CSNK2A1: variants seen among roughly 807,000 people sequenced by gnomAD.
The protein encoded by CSNK2A1 is casein kinase 2 alpha 1.
In CSNK2A1, 10 loss-of-function variants were observed where a neutral mutation model predicts 62.9. The observed-to-expected ratio is 0.16, with a 90% confidence interval of 0.10 to 0.27. The LOEUF is 0.27. CSNK2A1 is among the 10% of genes least tolerant of loss of function. The probability of loss-of-function intolerance (pLI) is 1.00; values close to 1 mark genes in which losing one functional copy is unlikely to be tolerated. For missense variants in CSNK2A1, 160 were observed against 492.0 expected (o/e 0.33, Z 6.38); for synonymous variants, 124 against 167.8 (o/e 0.74, Z 2.02).
At chr20:531,919 A>G (rs1191135650) in intron 1 of CSNK2A1, among the ~76,000 whole-genome samples, 1 of 152,244 alleles carries the variant, frequency 6.6e-6, no homozygotes, top group African/African-American at 2.4e-5. Flanking sequence ...CTGCTTAGAA[A>G]ATAAGAACTT....
chr20:543,197 C>G (rs935128086), intron 1 of CSNK2A1: 3 of 152,346 alleles, frequency 2.0e-5, no homozygotes, highest in African/African-American at 7.2e-5. Flanking sequence ...GTGGGAAGCT[C>G]AGCCCCGCCC....
chr20:537,905 A>C (rs1183824004), intron 1 of CSNK2A1, among the ~76,000 whole-genome samples: 1 of 152,074 alleles, frequency 6.6e-6, no homozygotes, highest in Non-Finnish European at 1.5e-5. Context: ...TGTACAAATC[A>C]TACTGTAATA....
chr20:485,206 GAC>G (rs1400335131), intron 13 of CSNK2A1, among the ~76,000 whole-genome samples: 1 of 137,202 alleles, frequency 7.3e-6, no homozygotes, highest in East Asian at 2.3e-4. Context: ...TTTCTTTTGA[GAC>G]AGAGTCTCAC....
intron 8 of CSNK2A1, 107 bp downstream of exon 8, chr20:495,612 T>C: frequency 1.2e-6 from 1 of 848,306 alleles, no homozygotes; most frequent in Non-Finnish European, 1.9e-6. Context: ...ATTTCTCAAC[T>C]GCCGAATAGG....
chr20:497,788 A>G lies in CSNK2A1; in HGVS notation c.367-8T>C. ...TAACGTCTGGTACAATTGCTGTTAA[A>G]GACAAATGTTTGAGCCATGAAATAA... is the stretch of plus-strand genomic sequence containing the variant. On this transcript the variant is annotated splice_polypyrimidine_tract_variant and splice_region_variant and intron_variant, in intron 6 of 13. Coordinates refer to ENST00000217244, the MANE Select transcript of CSNK2A1 (RefSeq NM_177559.3). 6.2e-7 allele frequency: 1 copy of G among 1,611,636 alleles called. No homozygotes were observed. Among genetic ancestry groups the G allele is most frequent in the African/African-American group, 1.3e-5 (1 of 75,014 alleles).
intron 2 of CSNK2A1, among the ~76,000 whole-genome samples, chr20:509,795 T>C (rs561050263): frequency 1.4e-4 from 21 of 152,328 alleles, no homozygotes; most frequent in African/African-American, 4.8e-4. Context: ...CAGGCTGGTC[T>C]TGAACTCCCA....
At position 499,700 on chromosome 20, in the gene CSNK2A1, A is replaced by G. The variant is rs563013399; in HGVS notation, c.315+133T>C. The G allele has an allele frequency of 1.9e-5, 15 of 793,154 alleles. No homozygotes were observed. In the East Asian group the frequency reaches 2.0e-4, roughly 10 times the overall value. 49.1% of individuals were successfully genotyped at this position (793,154 alleles called of 1,614,324 possible). Reference sequence around the variant, plus strand: ...GAAAGACCCAAGCTAGTTAAATGGTATATCTGATTAAGCACTTTCAAAGCA... The same window carrying G: ...GAAAGACCCAAGCTAGTTAAATGGTGTATCTGATTAAGCACTTTCAAAGCA... On this transcript the variant is annotated intron_variant, in intron 5 of 13. Coordinates refer to ENST00000217244, the MANE Select transcript of CSNK2A1 (RefSeq NM_177559.3). The surrounding 1 kb of genome is among the most constrained non-coding windows in gnomAD (Gnocchi z 4.2).
intron 1 of CSNK2A1, among the ~76,000 whole-genome samples, chr20:535,397 T>C (rs2019296475): frequency 6.6e-6 from 1 of 152,242 alleles, no homozygotes; most frequent in Non-Finnish European, 1.5e-5. Context: ...ATTTTCATTT[T>C]TTCACAAAAG....
rs903927890 is a variant in CSNK2A1, at chr20:508,700, C to T, written c.-109-40G>A. ...TGCACAAAGTCCAAGGAATCATTTA[C>T]AGAAGGTATATGGGAAGGAAATAAT... On this transcript the variant is annotated intron_variant, in intron 2 of 13. Transcript: ENST00000217244. 13 of 671,938 alleles carry T rather than the reference C, an allele frequency of 1.9e-5. No homozygotes were observed. The African/African-American group carries it at 2.2e-4, about 11-fold the overall frequency. 41.6% of individuals were successfully genotyped at this position (671,938 alleles called of 1,614,324 possible).
At chr20:525,836 TAA>T (rs397864425) in intron 2 of CSNK2A1, among the ~76,000 whole-genome samples, 1,116 of 71,020 alleles carry the variant, frequency 0.016, 18 homozygotes, top group African/African-American at 0.049. Context: ...TTAAAACTAT[TAA>T]AAAAAAAAAA....
rs934857961 is a variant in CSNK2A1, at chr20:479,744, A to G, written c.*4217T>C. On this transcript the variant is annotated 3_prime_UTR_variant, in exon 14 of 14. Transcript: ENST00000217244. ...CAGAACATCTTGTGACACCATCTAC[A>G]TATGTTTTACTTGGAGAATAGTCTG... 4 of 152,224 alleles carry G rather than the reference A, an allele frequency of 2.6e-5. No homozygotes were observed. The highest frequency in any genetic ancestry group is 9.6e-5 in the African/African-American group (4 of 41,454). 9.4% of individuals were successfully genotyped at this position (152,224 alleles called of 1,614,324 possible).
intron 10 of CSNK2A1, 25 bp from the exon 11 acceptor site, chr20:488,803 C>A: frequency 6.4e-7 from 1 of 1,573,556 alleles, no homozygotes; most frequent in Non-Finnish European, 8.7e-7. Context: ...AGACAAAAAC[C>A]CATATCACAA....
rs1202174727 is a variant in CSNK2A1 at position 479,168 on chromosome 20, A to G, written c.*4793T>C. 1 of 152,310 alleles carries G rather than the reference A, an allele frequency of 6.6e-6. No individual in the cohort carries two copies. Among genetic ancestry groups the G allele is most frequent in the African/African-American group, 2.4e-5 (1 of 41,412 alleles). The allele number at this position is 152,310 out of a possible 1,614,324, so 9.4% of individuals were successfully genotyped here. On this transcript the variant is annotated 3_prime_UTR_variant, in exon 14 of 14. Coordinates refer to ENST00000217244, the MANE Select transcript of CSNK2A1 (RefSeq NM_177559.3). Reference sequence around the variant, plus strand: ...GCCACCTGCTGGAAAAGAGTCAGAAATTTTCCAAATGCAAACATCTATGGC... The same window carrying G: ...GCCACCTGCTGGAAAAGAGTCAGAAGTTTTCCAAATGCAAACATCTATGGC...
At chr20:492,727 A>G (rs1227218179) in intron 8 of CSNK2A1, 1 of 191,086 alleles carries the variant, frequency 5.2e-6, no homozygotes, top group Non-Finnish European at 1.1e-5. Context: ...CCTGAATTTT[A>G]GATATATTTC....
chr20:538,721 CAG>C (rs1221640337), intron 1 of CSNK2A1, among the ~76,000 whole-genome samples: 1 of 152,108 alleles, frequency 6.6e-6, no homozygotes, highest in Non-Finnish European at 1.5e-5. Flanking sequence ...TGTGAGAGAA[CAG>C]AGAGACAGTT....
chr20:534,792 G>A (rs2019278183), intron 1 of CSNK2A1, among the ~76,000 whole-genome samples: 1 of 151,642 alleles, frequency 6.6e-6, no homozygotes, highest in South Asian at 2.1e-4. Flanking sequence ...ACTTTGGGAG[G>A]CCGAGATGGG....
chr20:488,900 T>C (rs2018157425), intron 10 of CSNK2A1, 122 bp from the exon 11 acceptor site: 1 of 856,168 alleles, frequency 1.2e-6, no homozygotes, highest in African/African-American at 1.7e-5. Flanking sequence ...TGCTACCTCC[T>C]AACAGTTTAG....
chr20:528,343 T>C (rs1376159352), intron 1 of CSNK2A1, among the ~76,000 whole-genome samples: 1 of 152,158 alleles, frequency 6.6e-6, no homozygotes, highest in Non-Finnish European at 1.5e-5. Flanking sequence ...CTGACAAAAA[T>C]AGAATAGGCT....
At position 477,549 on chromosome 20, in the gene CSNK2A1, T is replaced by C. The variant is rs1483545046; in HGVS notation, c.*6412A>G. On this transcript the variant is annotated 3_prime_UTR_variant, in exon 14 of 14. Transcript: ENST00000217244. ...CCCCACCACCTCAATCCTGCCCCTG[T>C]AGCCTTTCCAAGTGCCACAGCATTG... 1 of 152,532 alleles carries C rather than the reference T, an allele frequency of 6.6e-6. No homozygotes were observed. The highest frequency in any genetic ancestry group is 2.4e-5 in the African/African-American group (1 of 41,428). 9.4% of individuals were successfully genotyped at this position (152,532 alleles called of 1,614,324 possible).
Sources: allele counts gnomAD v4.1 joint callset (sites outside exome capture counted in the v4.1 genomes callset), GRCh38; gene constraint gnomAD v4.1.1; non-coding constraint Gnocchi (gnomAD v3.1); transcripts MANE v1.5; gene names NCBI Gene and HGNC (gene_info 2026-07-23, HGNC 2026-07-21).